Variants in DNER observed in about 807,000 individuals in gnomAD.
The protein encoded by DNER is delta and Notch-like epidermal growth factor-related receptor.
In DNER, 33 loss-of-function variants were observed where a neutral mutation model predicts 78.2. The observed-to-expected ratio is 0.42, with a 90% CI of 0.32 to 0.56. The LOEUF (loss-of-function observed/expected upper bound fraction) is 0.56. DNER is among the 20% of genes least tolerant of loss of function. The probability of loss-of-function intolerance (pLI) is 0.11; values close to 1 mark genes in which losing one functional copy is unlikely to be tolerated. For missense variants in DNER, 918 were observed against 975.3 expected (o/e 0.94, Z 0.78); for synonymous variants, 417 against 384.8 (o/e 1.08, Z -0.98).
At chr2:229,391,968 A>C (rs997855333) in intron 10 of DNER, among the ~76,000 whole-genome samples, 7 of 152,222 alleles carry the variant, frequency 4.6e-5, no homozygotes, top group African/African-American at 1.7e-4. Context: ...GTAAATTAAG[A>C]AATGCAAAAA....
chr2:229,389,102 A>T (rs756814093), intron 10 of DNER, among the ~76,000 whole-genome samples: 2 of 151,984 alleles, frequency 1.3e-5, no homozygotes, highest in African/African-American at 2.4e-5. Flanking sequence ...GTTAGTCTAA[A>T]CCTGACCTAA....
intron 1 of DNER, among the ~76,000 whole-genome samples, chr2:229,656,059 G>A (rs1399746953): frequency 6.6e-6 from 1 of 152,094 alleles, no homozygotes; most frequent in East Asian, 1.9e-4. Flanking sequence ...ATGGCCTCAA[G>A]AACTGTAAGA....
At chr2:229,479,270 C>T (rs1695103211) in intron 6 of DNER, among the ~76,000 whole-genome samples, 1 of 152,134 alleles carries the variant, frequency 6.6e-6, no homozygotes, top group Non-Finnish European at 1.5e-5. Flanking sequence ...GCCCTGTGTC[C>T]AAGCCCTTTC....
At chr2:229,547,951 AT>A (rs1321155655) in intron 4 of DNER, among the ~76,000 whole-genome samples, 1 of 152,244 alleles carries the variant, frequency 6.6e-6, no homozygotes, top group Non-Finnish European at 1.5e-5. Context: ...CTAAGTGAGC[AT>A]TTTTTTCTAA....
chr2:229,429,104 G>A (rs77559069), intron 8 of DNER, among the ~76,000 whole-genome samples: 1,782 of 152,244 alleles, frequency 0.012, 13 homozygotes, highest in Non-Finnish European at 0.02. Context: ...GCCCTTGGAG[G>A]GTCACCAAGA....
intron 1 of DNER, among the ~76,000 whole-genome samples, chr2:229,595,678 C>A (rs113693430): frequency 0.039 from 5,952 of 152,284 alleles, 150 homozygotes; most frequent in Middle Eastern, 0.1. Context: ...ACTGACTGCA[C>A]AAACACTGGC....
At chr2:229,520,345 G>A (rs34877621) in intron 5 of DNER, among the ~76,000 whole-genome samples, 7,744 of 152,260 alleles carry the variant, frequency 0.051, 188 homozygotes, top group South Asian at 0.072. Context: ...AAGCCAAGAG[G>A]CGACTAACAG....
At chr2:229,529,258 C>T (rs1696261150) in intron 5 of DNER, among the ~76,000 whole-genome samples, 1 of 151,986 alleles carries the variant, frequency 6.6e-6, no homozygotes, top group African/African-American at 2.4e-5. Flanking sequence ...GAGGAGCGAG[C>T]TTCGGCTGAA....
At chr2:229,364,562 T>C (rs1003426101) in intron 12 of DNER, among the ~76,000 whole-genome samples, 1 of 151,990 alleles carries the variant, frequency 6.6e-6, no homozygotes, top group South Asian at 2.1e-4. Flanking sequence ...TGGAGGAGGG[T>C]TGAGTTCTCT....
At chr2:229,643,398 T>C (rs1698661851) in intron 1 of DNER, among the ~76,000 whole-genome samples, 1 of 152,166 alleles carries the variant, frequency 6.6e-6, no homozygotes, top group Non-Finnish European at 1.5e-5. Flanking sequence ...GTCTTGTAGT[T>C]TGGAAAGCAT....
At chr2:229,410,894 T>A (rs954198901) in intron 9 of DNER, among the ~76,000 whole-genome samples, 1 of 152,260 alleles carries the variant, frequency 6.6e-6, no homozygotes, top group African/African-American at 2.4e-5. Flanking sequence ...AATATTTACT[T>A]TAAGACATCG....
chr2:229,563,000 C>T (rs1696990839), intron 4 of DNER, among the ~76,000 whole-genome samples: 2 of 151,298 alleles, frequency 1.3e-5, no homozygotes, highest in Non-Finnish European at 2.9e-5. Context: ...TCATCATCAA[C>T]ATCATCACCC....
At chr2:229,627,772 C>G (rs968270461) in intron 1 of DNER, among the ~76,000 whole-genome samples, 1 of 152,124 alleles carries the variant, frequency 6.6e-6, no homozygotes, top group Non-Finnish European at 1.5e-5. Context: ...GAGAGTCCCT[C>G]ACAAGCAGGA....
intron 1 of DNER, among the ~76,000 whole-genome samples, chr2:229,694,565 T>C (rs1699633422): frequency 1.3e-5 from 2 of 152,250 alleles, no homozygotes; most frequent in Non-Finnish European, 2.9e-5. Flanking sequence ...CAGCATGACC[T>C]GGATGTGAGA....
chr2:229,603,641 G>C (rs573422654), intron 1 of DNER, among the ~76,000 whole-genome samples: 1 of 152,158 alleles, frequency 6.6e-6, no homozygotes, highest in Non-Finnish European at 1.5e-5. Context: ...AGGTGGGGAC[G>C]AGGAAGCTGC....
chr2:229,686,440 C>A (rs904032343), intron 1 of DNER, among the ~76,000 whole-genome samples: 12 of 152,174 alleles, frequency 7.9e-5, no homozygotes, highest in African/African-American at 2.4e-4. Flanking sequence ...ACAGCTCTGG[C>A]CAACCTGACT....
At chr2:229,495,009 T>C (rs972955568) in intron 6 of DNER, among the ~76,000 whole-genome samples, 1 of 152,226 alleles carries the variant, frequency 6.6e-6, no homozygotes, top group Non-Finnish European at 1.5e-5. Context: ...GCCACAACCT[T>C]AAGTATTCTC....
chr2:229,591,676 G>A lies in DNER; in HGVS notation c.489C>T (p.Asp163=), dbSNP rs1398308297. Residue 163 remains aspartate, a synonymous_variant, in exon 2 of 13, where the codon GAC becomes GAT. Coordinates refer to ENST00000341772, the MANE Select transcript of DNER (RefSeq NM_139072.4). This position sits in a 1 kb window ranked among gnomAD's most constrained non-coding sequence, Gnocchi z 4.6. ...TTGCCTGAGAGCGAGGCAGGATTTT[G>A]TCAGGCTCCTGAGTAGCAGGAACAG... ...LQPVPATQEP[D]KILPRSQATV... The A allele has an allele frequency of 6.2e-7, 1 of 1,614,206 alleles. No homozygotes were observed. Among genetic ancestry groups the A allele is most frequent in the Admixed American group, 1.7e-5 (1 of 60,028 alleles).
chr2:229,387,563 G>GAAAGAAAGA (rs1692914692), intron 11 of DNER, among the ~76,000 whole-genome samples: 3 of 143,884 alleles, frequency 2.1e-5, no homozygotes, highest in South Asian at 2.2e-4. Context: ...AAGAAAGAAA[G>GAAAGAAAGA]AAAGAAAAGA....
Sources: allele counts gnomAD v4.1 joint callset (sites outside exome capture counted in the v4.1 genomes callset), GRCh38; gene constraint gnomAD v4.1.1; non-coding constraint Gnocchi (gnomAD v3.1); transcripts MANE v1.5; gene names NCBI Gene and HGNC (gene_info 2026-07-23, HGNC 2026-07-21).